Variants in TGFBR3 observed in about 807,000 individuals in gnomAD.
TGFBR3 encodes transforming growth factor beta receptor type 3.
Under a neutral mutation model 87.9 loss-of-function variants are expected in TGFBR3, and 46 were observed. The observed-to-expected ratio is 0.52, with a 90% CI of 0.41 to 0.67. The LOEUF (loss-of-function observed/expected upper bound fraction) is 0.67. Among genes scored for constraint, TGFBR3 ranks in the 30% least tolerant of loss-of-function variants. The pLI is 0.00. For missense variants in TGFBR3, 866 were observed against 1,041.9 expected, an observed-to-expected ratio of 0.83 and a Z score of 2.32; for synonymous variants, 381 against 391.6, an observed-to-expected ratio of 0.97 and a Z score of 0.32.
At chr1:91,740,136 T>C (rs911506008) in intron 4 of TGFBR3, among the ~76,000 whole-genome samples, 16 of 152,196 alleles carry the variant, frequency 1.1e-4, no homozygotes, top group African/African-American at 3.9e-4. Context: ...CTCGGCTCAC[T>C]GCAACCTCCA....
chr1:91,830,507 A>G (rs948586101), intron 2 of TGFBR3, among the ~76,000 whole-genome samples: 1 of 152,090 alleles, frequency 6.6e-6, no homozygotes, highest in African/African-American at 2.4e-5. Context: ...CTGCTAAATA[A>G]CAGAGGTCAC....
Position 91,713,429 on chromosome 1 carries a change from T to C in TGFBR3, c.1867-887A>G, listed in dbSNP as rs183490128. Among the ~76,000 whole-genome samples the C allele has an allele frequency of 5.3e-4, 80 of 152,362 alleles. No homozygotes were observed. The East Asian group carries it at 0.015, about 28-fold the overall frequency. On this transcript the variant is annotated intron_variant, in intron 12 of 16. Transcript: ENST00000212355. Reference sequence around the variant, plus strand: ...AGGAGATTCTCCATTTGGTGACACGTGGATCACTGCATGAACTGCCCCTCC... The same window carrying C: ...AGGAGATTCTCCATTTGGTGACACGCGGATCACTGCATGAACTGCCCCTCC...
intron 16 of TGFBR3, 77 bp from the exon 17 acceptor site, chr1:91,683,934 T>C (rs1161134331): frequency 5.9e-6 from 8 of 1,358,556 alleles, no homozygotes; most frequent in Non-Finnish European, 8.2e-6. Flanking sequence ...GATCATTTAT[T>C]CCGCATTTGC....
At chr1:91,741,745 T>C (rs183670208) in intron 4 of TGFBR3, among the ~76,000 whole-genome samples, 2 of 152,194 alleles carry the variant, frequency 1.3e-5, no homozygotes, top group African/African-American at 4.8e-5. Context: ...CCATGCCCCA[T>C]CTTCCACCTT....
intron 2 of TGFBR3, among the ~76,000 whole-genome samples, chr1:91,837,783 G>A (rs889320457): frequency 2.0e-5 from 3 of 150,052 alleles, no homozygotes; most frequent in Non-Finnish European, 3.0e-5. Flanking sequence ...GCTCATTACA[G>A]TAAAATCTAA....
chr1:91,689,840 TAAAAAAA>T (rs545760131), intron 16 of TGFBR3, among the ~76,000 whole-genome samples: 1 of 99,282 alleles, frequency 1.0e-5, no homozygotes, highest in African/African-American at 3.7e-5. Context: ...AGAAACTGAT[TAAAAAAA>T]AAAAAAAAAA....
intron 14 of TGFBR3, among the ~76,000 whole-genome samples, chr1:91,708,036 A>G (rs1431070400): frequency 2.6e-5 from 4 of 152,038 alleles, no homozygotes; most frequent in Admixed American, 2.6e-4. Context: ...CTGATGCCAC[A>G]CCCCTTAGGG....
chr1:91,727,972 A>C, intron 6 of TGFBR3, 166 bp from the exon 7 acceptor site: 1 of 719,622 alleles, frequency 1.4e-6, no homozygotes, highest in Admixed American at 2.5e-5. Flanking sequence ...CTGCACACAT[A>C]ACAAAATTGT....
intron 4 of TGFBR3, among the ~76,000 whole-genome samples, chr1:91,752,424 T>C (rs982029241): frequency 6.7e-6 from 1 of 148,900 alleles, no homozygotes; most frequent in Non-Finnish European, 1.5e-5. Context: ...CTGATTTTAA[T>C]GATAAATGGC....
chr1:91,833,417 C>T lies in TGFBR3; in HGVS notation c.61+28054G>A, dbSNP rs1239965304. ...CGGAGGTTGCAGAGAGCCAAGATCA[C>T]ACCACTGCACTCCACCCTGGGCGAC... On this transcript the variant is annotated intron_variant, in intron 2 of 16. Coordinates refer to ENST00000212355, the MANE Select transcript of TGFBR3 (RefSeq NM_003243.5). Among the ~76,000 whole-genome samples the T allele has an allele frequency of 1.7e-4, 21 of 120,258 alleles. No homozygotes were observed. The Admixed American group carries it at 1.8e-3, about 10-fold the overall frequency. 78.9% of individuals were successfully genotyped at this position (120,258 alleles called of 152,430 possible).
intron 7 of TGFBR3, among the ~76,000 whole-genome samples, chr1:91,726,828 A>G (rs1672567326): frequency 6.6e-6 from 1 of 151,766 alleles, no homozygotes; most frequent in Admixed American, 6.6e-5. Context: ...TTGAGCCCAT[A>G]GAAGAGATAC....
chr1:91,687,397 T>C (rs947493108), intron 16 of TGFBR3, among the ~76,000 whole-genome samples: 8 of 152,218 alleles, frequency 5.3e-5, no homozygotes, highest in Non-Finnish European at 8.8e-5. Flanking sequence ...ATGGAGAATG[T>C]TTTATTTCTT....
intron 2 of TGFBR3, among the ~76,000 whole-genome samples, chr1:91,833,779 CA>C (rs34182358): frequency 0.58 from 79,482 of 136,538 alleles, 23,720 homozygotes; most frequent in Non-Finnish European, 0.69. Context: ...GACTTCATCT[CA>C]AAAAAAAAAA....
chr1:91,691,509 T>C (rs1441595927), intron 16 of TGFBR3, among the ~76,000 whole-genome samples: 1 of 152,194 alleles, frequency 6.6e-6, no homozygotes, highest in Non-Finnish European at 1.5e-5. Flanking sequence ...AATCTAACAT[T>C]CTGTACCTTG....
intron 3 of TGFBR3, among the ~76,000 whole-genome samples, chr1:91,790,146 T>C (rs989610576): frequency 6.6e-6 from 1 of 152,140 alleles, no homozygotes; most frequent in African/African-American, 2.4e-5. Context: ...CATAACAATG[T>C]TTCAATCAAC....
chr1:91,782,203 G>C (rs535954317), intron 3 of TGFBR3, among the ~76,000 whole-genome samples: 137 of 152,272 alleles, frequency 9.0e-4, no homozygotes, highest in Non-Finnish European at 1.6e-3. Flanking sequence ...GAGCCCCCTG[G>C]CCAAAAGCAC....
intron 2 of TGFBR3, among the ~76,000 whole-genome samples, chr1:91,835,646 G>A (rs1038565192): frequency 6.6e-6 from 1 of 151,828 alleles, no homozygotes; most frequent in Non-Finnish European, 1.5e-5. Context: ...GGCTAACACG[G>A]TGAAACCCCG....
chr1:91,691,411 T>G (rs1388837923), intron 16 of TGFBR3, among the ~76,000 whole-genome samples: 1 of 152,190 alleles, frequency 6.6e-6, no homozygotes, highest in African/African-American at 2.4e-5. Context: ...ATCAGGAATC[T>G]GCACAGCTCT....
At chr1:91,696,639 TG>T (rs773148239) in intron 15 of TGFBR3, among the ~76,000 whole-genome samples, 26 of 152,324 alleles carry the variant, frequency 1.7e-4, no homozygotes, top group Non-Finnish European at 2.5e-4. Flanking sequence ...AAGTTAAAAT[TG>T]GTTTCCAAGG....
Sources: gnomAD v4.1 joint callset for allele counts (sites outside exome capture counted in the v4.1 genomes callset) on GRCh38, gnomAD v4.1.1 for gene constraint, MANE v1.5 for transcripts, NCBI Gene and HGNC (gene_info 2026-07-23, HGNC 2026-07-21) for gene names.